CCDC171: variants seen among roughly 807,000 people sequenced by gnomAD.
CCDC171 encodes coiled-coil domain-containing protein 171.
CCDC171 carries 177 observed loss-of-function variants against 168.2 expected under a neutral mutation model. The observed-to-expected ratio is 1.05, with a 90% CI of 0.93 to 1.19. The LOEUF (loss-of-function observed/expected upper bound fraction) is 1.19. Ranked by LOEUF, CCDC171 falls within the 50% of genes most tolerant of loss-of-function variation. The pLI is 0.00. For synonymous variants in CCDC171, 687 were observed against 540.8 expected (o/e 1.27, Z -3.75); for missense variants, 1,991 against 1,539.0 (o/e 1.29, Z -4.91).
chr9:15,623,502 C>CACACACACACACAT (rs1006558906), intron 7 of CCDC171, 89 bp downstream of exon 7: 3 of 693,530 alleles, frequency 4.3e-6, no homozygotes, highest in Non-Finnish European at 4.5e-6. Flanking sequence ...CACACACACA[C>CACACACACACACAT]ACACATAAAA....
chr9:15,868,800 A>G (rs924668954), intron 23 of CCDC171, among the ~76,000 whole-genome samples: 1 of 151,990 alleles, frequency 6.6e-6, no homozygotes. Flanking sequence ...GGCAATAACT[A>G]TTTCACAAGG....
intron 25 of CCDC171, among the ~76,000 whole-genome samples, chr9:15,952,102 A>C (rs74848642): frequency 0.046 from 6,972 of 152,186 alleles, 341 homozygotes; most frequent in South Asian, 0.12. Context: ...GCATGTGGAC[A>C]TGCAGTTCTC....
In CCDC171 at chr9:15,723,750, T is replaced by C. The variant is rs1317259517; in HGVS notation, c.1491+4T>C. ...CTCTCACACTAAAAATATAAAGGTA[T>C]TATTTAGAATAACTTTTACCTTTTG... On this transcript the variant is annotated splice_donor_region_variant and intron_variant, in intron 13 of 25. Transcript: ENST00000380701. 1 of 1,365,188 alleles carries C rather than the reference T, an allele frequency of 7.3e-7. No individual in the cohort carries two copies. The highest frequency in any genetic ancestry group is 1.0e-6 in the Non-Finnish European group (1 of 972,862). The allele number at this position is 1,365,188 out of a possible 1,614,324, so 84.6% of individuals were successfully genotyped here.
chr9:15,607,880 T>G (rs1028502502), intron 6 of CCDC171, among the ~76,000 whole-genome samples: 5 of 152,228 alleles, frequency 3.3e-5, no homozygotes, highest in African/African-American at 9.6e-5. Flanking sequence ...CCTGACTGCC[T>G]TGTCCATTTT....
chr9:15,618,278 G>A (rs775921820), intron 6 of CCDC171, among the ~76,000 whole-genome samples: 1 of 152,178 alleles, frequency 6.6e-6, no homozygotes, highest in Non-Finnish European at 1.5e-5. Context: ...TTGCTGTGGT[G>A]ACTGTGCCCA....
At chr9:15,586,007 T>C (rs954493450) in intron 4 of CCDC171, among the ~76,000 whole-genome samples, 1 of 152,124 alleles carries the variant, frequency 6.6e-6, no homozygotes, top group African/African-American at 2.4e-5. Flanking sequence ...CCTTGAACAG[T>C]ACACTAAAGA....
At chr9:15,707,684 CCTT>C (rs1286660369) in intron 11 of CCDC171, among the ~76,000 whole-genome samples, 1 of 152,188 alleles carries the variant, frequency 6.6e-6, no homozygotes, top group East Asian at 1.9e-4. Context: ...CTATTATTCT[CCTT>C]CTCTTTCCTA....
At chr9:15,663,543 A>G (rs1006996749) in intron 8 of CCDC171, among the ~76,000 whole-genome samples, 1 of 151,878 alleles carries the variant, frequency 6.6e-6, no homozygotes, top group African/African-American at 2.4e-5. Flanking sequence ...TTTTCAACAT[A>G]TGTTAGCAAT....
At chr9:15,946,074 G>T (rs1042031324) in intron 25 of CCDC171, among the ~76,000 whole-genome samples, 7 of 151,850 alleles carry the variant, frequency 4.6e-5, no homozygotes, top group Non-Finnish European at 5.9e-5. Flanking sequence ...GTAAGGAAGG[G>T]ATCCAGTTTC....
chr9:15,565,562 A>G (rs1295097872), intron 2 of CCDC171, among the ~76,000 whole-genome samples: 4 of 152,058 alleles, frequency 2.6e-5, no homozygotes, highest in East Asian at 1.9e-4. Flanking sequence ...CTACTAATCT[A>G]CTTTCTGTTT....
chr9:15,624,950 A>G (rs1006074753), intron 7 of CCDC171, among the ~76,000 whole-genome samples: 1 of 152,092 alleles, frequency 6.6e-6, no homozygotes, highest in Non-Finnish European at 1.5e-5. Flanking sequence ...AAGTGTTCCT[A>G]TTTCTCCACA....
chr9:15,792,506 C>T (rs2058321342), intron 21 of CCDC171, among the ~76,000 whole-genome samples: 1 of 152,066 alleles, frequency 6.6e-6, no homozygotes, highest in Admixed American at 6.6e-5. Flanking sequence ...AGAGCTACTC[C>T]AAGACACATA....
chr9:15,563,296 G>A (rs1024481716), intron 1 of CCDC171, among the ~76,000 whole-genome samples: 42 of 151,924 alleles, frequency 2.8e-4, no homozygotes, highest in African/African-American at 8.7e-4. Context: ...GTGCCACCCC[G>A]CCTGGCTAAT....
At chr9:16,005,154 G>A (rs1057238309) in intron 3 of CCDC171, among the ~76,000 whole-genome samples, 3 of 152,134 alleles carry the variant, frequency 2.0e-5, no homozygotes, top group African/African-American at 4.8e-5. Flanking sequence ...TCCTGTATTA[G>A]TAGTCACTCC....
chr9:15,713,350 A>C (rs2052824299), intron 11 of CCDC171, among the ~76,000 whole-genome samples: 1 of 151,986 alleles, frequency 6.6e-6, no homozygotes, highest in African/African-American at 2.4e-5. Flanking sequence ...CTGGTCATAG[A>C]GAACTCTCCA....
rs919439914 is a variant in CCDC171, at chr9:15,972,143, CTCTA to C, written c.*314_*317del. The C allele has an allele frequency of 7.9e-5, 25 of 317,318 alleles. No homozygotes were observed. The highest frequency in any genetic ancestry group is 3.5e-4 in the African/African-American group (16 of 46,182). 19.7% of individuals were successfully genotyped at this position (317,318 alleles called of 1,614,324 possible). A position where few individuals can be genotyped will look rare whatever the true frequency, so the allele number is the denominator to read the frequency against. ...AAAAAAATCAATAAGCCATTTTAGT[CTCTA>C]TCTATCAAAGTTGTTTCATACTTGT... On this transcript the variant is annotated 3_prime_UTR_variant, in exon 26 of 26. Coordinates refer to ENST00000380701, the MANE Select transcript of CCDC171 (RefSeq NM_173550.4).
chr9:15,764,617 G>GT (rs2056624278), intron 18 of CCDC171, among the ~76,000 whole-genome samples: 1 of 152,108 alleles, frequency 6.6e-6, no homozygotes, highest in African/African-American at 2.4e-5. Context: ...AAAATCAAGA[G>GT]TTTTTTTGAC....
chr9:15,654,429 T>G (rs2047763293), intron 7 of CCDC171, among the ~76,000 whole-genome samples: 1 of 152,160 alleles, frequency 6.6e-6, no homozygotes, highest in Non-Finnish European at 1.5e-5. Context: ...AGAAGGGATG[T>G]TTGTGTTTAT....
intron 24 of CCDC171, among the ~76,000 whole-genome samples, chr9:15,914,627 G>A (rs1824224124): frequency 6.6e-6 from 1 of 152,070 alleles, no homozygotes; most frequent in Non-Finnish European, 1.5e-5. Context: ...TGGCTCCCTG[G>A]CTTCAGGCCC....
Sources: gnomAD v4.1 joint callset for allele counts (sites outside exome capture counted in the v4.1 genomes callset) on GRCh38, gnomAD v4.1.1 for gene constraint, MANE v1.5 for transcripts, NCBI Gene and HGNC (gene_info 2026-07-23, HGNC 2026-07-21) for gene names.